Variants in TSPAN15 observed in about 807,000 individuals in gnomAD.
The protein encoded by TSPAN15 is tetraspanin 15.
In TSPAN15, 20 loss-of-function variants were observed where a neutral mutation model predicts 34.5. The ratio of observed to expected loss-of-function variants is 0.58; its 90% confidence interval spans 0.41 to 0.84. The LOEUF (loss-of-function observed/expected upper bound fraction) is 0.84. TSPAN15 is among the 40% of genes least tolerant of loss of function. The probability of loss-of-function intolerance (pLI) is 0.00; values close to 1 mark genes in which losing one functional copy is unlikely to be tolerated. For missense variants in TSPAN15, 313 were observed against 386.1 expected (o/e 0.81, Z 1.59); for synonymous variants, 155 against 153.9 (o/e 1.01, Z -0.05).
At chr10:69,475,901 T>G (rs1841604854) in intron 1 of TSPAN15, among the ~76,000 whole-genome samples, 1 of 152,170 alleles carries the variant, frequency 6.6e-6, no homozygotes, top group Non-Finnish European at 1.5e-5. Context: ...CATAATTCTT[T>G]AAAGAAACCA....
intron 2 of TSPAN15, among the ~76,000 whole-genome samples, chr10:69,484,580 G>C (rs1316157178): frequency 1.3e-5 from 2 of 152,240 alleles, no homozygotes; most frequent in Non-Finnish European, 2.9e-5. Flanking sequence ...AAGCCCCTAC[G>C]ATCCACTGTA....
chr10:69,475,014 T>C (rs998589502), intron 1 of TSPAN15, among the ~76,000 whole-genome samples: 4 of 152,044 alleles, frequency 2.6e-5, no homozygotes, highest in Non-Finnish European at 4.4e-5. Flanking sequence ...CCATTACCCA[T>C]GTACGCTGGG....
At position 69,506,246 on chromosome 10, in the gene TSPAN15, C is replaced by A; in HGVS notation, c.735+6C>A. On this transcript the variant is annotated splice_donor_region_variant and intron_variant, in intron 7 of 7. Coordinates refer to ENST00000373290, the MANE Select transcript of TSPAN15 (RefSeq NM_012339.5). This position sits in a 1 kb window ranked among gnomAD's most constrained non-coding sequence, Gnocchi z 4.7. Reference sequence around the variant, plus strand: ...TGGGCATCCTGCTTCCCCAGGTGGGCAGGCCGTGGGTTCAGAGAAAGTGTG... The same window carrying A: ...TGGGCATCCTGCTTCCCCAGGTGGGAAGGCCGTGGGTTCAGAGAAAGTGTG... 7 of 1,613,266 alleles carry A rather than the reference C, an allele frequency of 4.3e-6. No homozygotes were observed. The highest frequency in any genetic ancestry group is 5.9e-6 in the Non-Finnish European group (7 of 1,179,240).
chr10:69,464,776 C>T (rs1304320013), intron 1 of TSPAN15, among the ~76,000 whole-genome samples: 1 of 152,150 alleles, frequency 6.6e-6, no homozygotes, highest in Non-Finnish European at 1.5e-5. Flanking sequence ...AGCCCCAAGC[C>T]ACCCAGCATG....
In TSPAN15 at chr10:69,476,982, T is replaced by G. The variant is rs74479839; in HGVS notation, c.97-6709T>G. Among the ~76,000 whole-genome samples, 1,113 of 152,158 alleles carry G rather than the reference T, an allele frequency of 7.3e-3. 13 individuals carry two copies. Among genetic ancestry groups the G allele is most frequent in the African/African-American group, 0.026 (1,068 of 41,506 alleles). On this transcript the variant is annotated intron_variant, in intron 1 of 7. Coordinates refer to ENST00000373290, the MANE Select transcript of TSPAN15 (RefSeq NM_012339.5). ...GGGGCACTGCCAGGACCTCCTATCC[T>G]TGGTCTGTTTTGCTTTCCTTACAGG...
At chr10:69,473,700 A>G (rs1429734980) in intron 1 of TSPAN15, among the ~76,000 whole-genome samples, 1 of 152,080 alleles carries the variant, frequency 6.6e-6, no homozygotes, top group African/African-American at 2.4e-5. Flanking sequence ...CTGGGATTGG[A>G]GCCTAGGGTG....
chr10:69,504,423 A>G lies in TSPAN15; in HGVS notation c.571-15A>G. ...AACCATTATAAATATTAGCTATTAT[A>G]CATTTCCATTTCAGACAGAAGTTGT... On this transcript the variant is annotated splice_polypyrimidine_tract_variant and intron_variant, in intron 5 of 7. Transcript: ENST00000373290. The G allele has an allele frequency of 6.2e-7, 1 of 1,611,876 alleles. No homozygotes were observed. The highest frequency in any genetic ancestry group is 8.5e-7 in the Non-Finnish European group (1 of 1,177,954).
chr10:69,461,143 A>G (rs1441018700), intron 1 of TSPAN15, among the ~76,000 whole-genome samples: 1 of 152,126 alleles, frequency 6.6e-6, no homozygotes, highest in Non-Finnish European at 1.5e-5. Context: ...AGTTTGCTTC[A>G]TCTCTTTGCA....
chr10:69,500,340 A>G (rs1290332815), intron 5 of TSPAN15, among the ~76,000 whole-genome samples: 1 of 152,206 alleles, frequency 6.6e-6, no homozygotes, highest in Non-Finnish European at 1.5e-5. Flanking sequence ...TTGACCAGGC[A>G]TTGCATGAGT....
At chr10:69,465,899 G>T (rs1186957349) in intron 1 of TSPAN15, among the ~76,000 whole-genome samples, 1 of 152,236 alleles carries the variant, frequency 6.6e-6, no homozygotes, top group East Asian at 1.9e-4. Context: ...TCCCGGTCAG[G>T]TTTGTAACTT....
downstream of TSPAN15, among the ~76,000 whole-genome samples, chr10:69,509,504 T>C (rs888009680): frequency 6.6e-6 from 1 of 152,144 alleles, no homozygotes; most frequent in African/African-American, 2.4e-5. Context: ...GATGGATAGA[T>C]TGCAAAAATT....
At position 69,507,101 on chromosome 10, in the gene TSPAN15, C is replaced by T; in HGVS notation, c.*123C>T. 2 of 1,484,880 alleles carry T rather than the reference C, an allele frequency of 1.3e-6. No homozygotes were observed. The highest frequency in any genetic ancestry group is 1.8e-6 in the Non-Finnish European group (2 of 1,120,274). 92.0% of individuals were successfully genotyped at this position (1,484,880 alleles called of 1,614,324 possible). ...CACTCAGTACTGACCAAAGCCAGGGCTGTGTGTGCCTGTGTGTAGGTCCCA... is the reference window on the plus strand; with the variant it reads ...CACTCAGTACTGACCAAAGCCAGGGTTGTGTGTGCCTGTGTGTAGGTCCCA... On this transcript the variant is annotated 3_prime_UTR_variant, in exon 8 of 8. Coordinates refer to ENST00000373290, the MANE Select transcript of TSPAN15 (RefSeq NM_012339.5).
chr10:69,457,129 G>A (rs966271203), intron 1 of TSPAN15, among the ~76,000 whole-genome samples: 1 of 152,218 alleles, frequency 6.6e-6, no homozygotes, highest in African/African-American at 2.4e-5. Context: ...TGCCCACGGG[G>A]TATCTTAGAG....
the TSPAN15 span, among the ~76,000 whole-genome samples, chr10:69,545,430 C>T: frequency 2.6e-5 from 4 of 152,276 alleles, no homozygotes; most frequent in African/African-American, 9.6e-5. Flanking sequence ...CCCCTAAGTC[C>T]TCAGCGGGCT....
chr10:69,455,463 A>G (rs1180861699), intron 1 of TSPAN15, among the ~76,000 whole-genome samples: 1 of 152,076 alleles, frequency 6.6e-6, no homozygotes, highest in African/African-American at 2.4e-5. Context: ...GCTATGCCAC[A>G]TTTATTTAAT....
intron 1 of TSPAN15, among the ~76,000 whole-genome samples, chr10:69,457,450 G>C (rs570534452): frequency 1.3e-5 from 2 of 152,308 alleles, no homozygotes; most frequent in African/African-American, 4.8e-5. Flanking sequence ...CTGTTTCCTT[G>C]ATAACAGGGT....
the TSPAN15 span, among the ~76,000 whole-genome samples, chr10:69,542,450 C>A: frequency 3.3e-5 from 5 of 152,190 alleles, no homozygotes; most frequent in African/African-American, 1.2e-4. Context: ...TAGTATGTCA[C>A]TCCTGGTACC....
chr10:69,497,746 A>G (rs1842117279), intron 4 of TSPAN15, among the ~76,000 whole-genome samples: 1 of 152,092 alleles, frequency 6.6e-6, no homozygotes, highest in African/African-American at 2.4e-5. Context: ...CTACAGGAGC[A>G]GGGAGGGGAG....
At chr10:69,510,173 A>G (rs1842400625), downstream of TSPAN15, among the ~76,000 whole-genome samples, 1 of 152,228 alleles carries the variant, frequency 6.6e-6, no homozygotes, top group African/African-American at 2.4e-5. Context: ...TTTGGGCCAT[A>G]TGGCCATTTT....
Sources: gnomAD v4.1 joint callset for allele counts (sites outside exome capture counted in the v4.1 genomes callset) on GRCh38, gnomAD v4.1.1 for gene constraint, Gnocchi (gnomAD v3.1) non-coding constraint, MANE v1.5 for transcripts, NCBI Gene and HGNC (gene_info 2026-07-23, HGNC 2026-07-21) for gene names.